KCNN3: variants seen among roughly 807,000 people sequenced by gnomAD.
The protein encoded by KCNN3 is potassium calcium-activated channel subfamily N member 3.
A neutral mutation model predicts 62.9 loss-of-function variants in KCNN3; 16 were observed. The observed-to-expected ratio is 0.25, with a 90% CI of 0.17 to 0.39. KCNN3 has a LOEUF of 0.39. Among genes scored for constraint, KCNN3 ranks in the 10% least tolerant of loss-of-function variants. KCNN3 has a pLI of 1.00. For synonymous variants in KCNN3, 370 were observed against 389.2 expected (o/e 0.95, Z 0.58); for missense variants, 599 against 949.4 (o/e 0.63, Z 4.85).
chr1:154,863,677 A>T (rs1369419675), intron 1 of KCNN3, among the ~76,000 whole-genome samples: 1 of 152,142 alleles, frequency 6.6e-6, no homozygotes, highest in Admixed American at 6.5e-5. Flanking sequence ...TTTAAAGCAG[A>T]TCTTTTGACC....
intron 1 of KCNN3, among the ~76,000 whole-genome samples, chr1:154,843,116 T>TAG (rs2101913997): frequency 6.6e-6 from 1 of 152,172 alleles, no homozygotes; most frequent in African/African-American, 2.4e-5. Flanking sequence ...CCCATAGACA[T>TAG]AGATGCTGAA....
chr1:154,801,379 G>C (rs1649947778), intron 2 of KCNN3, among the ~76,000 whole-genome samples: 1 of 152,072 alleles, frequency 6.6e-6, no homozygotes. Flanking sequence ...TGCAGCTTCT[G>C]TAAAACCCAT....
intron 4 of KCNN3, among the ~76,000 whole-genome samples, chr1:154,729,906 C>T (rs1271465647): frequency 6.6e-6 from 1 of 152,218 alleles, no homozygotes; most frequent in Non-Finnish European, 1.5e-5. Flanking sequence ...AAAAGCTCAG[C>T]GTCCCTGCAG....
chr1:154,725,352 C>A (rs2101781489), intron 5 of KCNN3, among the ~76,000 whole-genome samples: 1 of 152,158 alleles, frequency 6.6e-6, no homozygotes, highest in East Asian at 1.9e-4. Flanking sequence ...CAGGTTATAC[C>A]ATTGTAGGCT....
chr1:154,716,765 G>A (rs183499383), intron 5 of KCNN3, among the ~76,000 whole-genome samples: 33 of 152,306 alleles, frequency 2.2e-4, no homozygotes, highest in South Asian at 1.4e-3. Context: ...AGTTGGAAAC[G>A]GTGGATGTCC....
At chr1:154,798,867 A>T in intron 2 of KCNN3, among the ~76,000 whole-genome samples, 1 of 151,338 alleles carries the variant, frequency 6.6e-6, no homozygotes, top group South Asian at 2.1e-4. Context: ...GACTGGTGAG[A>T]CCATTGCTAT....
intron 1 of KCNN3, among the ~76,000 whole-genome samples, chr1:154,848,630 T>A (rs1467604798): frequency 6.6e-6 from 1 of 152,138 alleles, no homozygotes; most frequent in African/African-American, 2.4e-5. Flanking sequence ...TAGGAAAACC[T>A]ACCTCTCCAG....
intron 1 of KCNN3, 113 bp from the exon 2 acceptor site, chr1:154,822,297 G>A: frequency 6.2e-6 from 5 of 804,322 alleles, no homozygotes; most frequent in Non-Finnish European, 1.1e-5. Context: ...ACTGTTACCA[G>A]CCCCTCCTAG....
chr1:154,831,065 A>G (rs1023968045), intron 1 of KCNN3, among the ~76,000 whole-genome samples: 3 of 152,212 alleles, frequency 2.0e-5, no homozygotes, highest in Non-Finnish European at 4.4e-5. Flanking sequence ...ATGCGATTCA[A>G]TCAAACTTTT....
At chr1:154,725,839 G>C in intron 5 of KCNN3, 77 bp downstream of exon 5, 2 of 1,092,928 alleles carry the variant, frequency 1.8e-6, no homozygotes, top group Admixed American at 1.9e-5. Flanking sequence ...CACTGCACCC[G>C]TTGGACCATT....
chr1:154,839,281 A>G (rs1446359549), intron 1 of KCNN3, among the ~76,000 whole-genome samples: 2 of 152,144 alleles, frequency 1.3e-5, no homozygotes. Flanking sequence ...TCACTGCTCC[A>G]AGGCTCTGCG....
chr1:154,863,906 A>AT (rs1168285576), intron 1 of KCNN3, among the ~76,000 whole-genome samples: 1 of 152,220 alleles, frequency 6.6e-6, no homozygotes, highest in Non-Finnish European at 1.5e-5. Flanking sequence ...AAGGAGAAGC[A>AT]TATATAAAAA....
chr1:154,833,746 C>T (rs1651470866), intron 1 of KCNN3, among the ~76,000 whole-genome samples: 1 of 152,222 alleles, frequency 6.6e-6, no homozygotes, highest in Non-Finnish European at 1.5e-5. Context: ...AAGGGACAGG[C>T]CCCTGTCTTA....
chr1:154,864,453 G>T (rs1652880634), intron 1 of KCNN3, among the ~76,000 whole-genome samples: 1 of 152,244 alleles, frequency 6.6e-6, no homozygotes, highest in South Asian at 2.1e-4. Flanking sequence ...ACTGGTTCCA[G>T]TGATACTACT....
At chr1:154,863,977 TATAA>T (rs1558012784) in intron 1 of KCNN3, among the ~76,000 whole-genome samples, 1 of 152,232 alleles carries the variant, frequency 6.6e-6, no homozygotes, top group African/African-American at 2.4e-5. Context: ...CCACAAAGAT[TATAA>T]ATAAAGTCAC....
chr1:154,842,170 C>T (rs1651859233), intron 1 of KCNN3, among the ~76,000 whole-genome samples: 1 of 152,210 alleles, frequency 6.6e-6, no homozygotes. Context: ...CCCTCTTTGC[C>T]CTGCAATGGG....
At chr1:154,727,967 G>A (rs1014764091) in intron 4 of KCNN3, among the ~76,000 whole-genome samples, 6 of 152,196 alleles carry the variant, frequency 3.9e-5, no homozygotes, top group African/African-American at 1.4e-4. Context: ...GTTCTCCCCA[G>A]GTTCCATTCT....
At chr1:154,837,102 G>T (rs902991399) in intron 1 of KCNN3, among the ~76,000 whole-genome samples, 3 of 143,100 alleles carry the variant, frequency 2.1e-5, no homozygotes, top group South Asian at 2.2e-4. Flanking sequence ...CATTGTTTAA[G>T]CCTTTTTTTT....
At chr1:154,717,482 G>A (rs986776056) in intron 5 of KCNN3, among the ~76,000 whole-genome samples, 3 of 151,964 alleles carry the variant, frequency 2.0e-5, no homozygotes, top group Non-Finnish European at 2.9e-5. Flanking sequence ...GTTTTCATGT[G>A]GACTGAAGGA....
Sources: gnomAD v4.1 joint callset for allele counts (sites outside exome capture counted in the v4.1 genomes callset) on GRCh38, gnomAD v4.1.1 for gene constraint, MANE v1.5 for transcripts, NCBI Gene and HGNC (gene_info 2026-07-23, HGNC 2026-07-21) for gene names.